ZNF407: variants seen among roughly 807,000 people sequenced by gnomAD.
ZNF407 encodes the protein zinc finger protein 407.
ZNF407 carries 17 observed loss-of-function variants against 131.2 expected under a neutral mutation model. The observed-to-expected ratio is 0.13, with a 90% CI of 0.09 to 0.19. The LOEUF (loss-of-function observed/expected upper bound fraction) is 0.19, where lower values mean the gene tolerates loss of function less well. ZNF407 is among the 10% of genes least tolerant of loss of function. The pLI, the probability that ZNF407 is intolerant of heterozygous loss-of-function variation, is 1.00. For synonymous variants in ZNF407, 1,156 were observed against 1,062.0 expected, an observed-to-expected ratio of 1.09 and a Z score of -1.72; for missense variants, 2,681 against 2,830.6, an observed-to-expected ratio of 0.95 and a Z score of 1.20.
chr18:74,970,060 G>A (rs1031534944), intron 8 of ZNF407, among the ~76,000 whole-genome samples: 1 of 152,128 alleles, frequency 6.6e-6, no homozygotes, highest in Non-Finnish European at 1.5e-5. Context: ...AAACAAGGAA[G>A]AAGCAAAAGT....
chr18:75,016,886 C>T (rs1973050855), intron 8 of ZNF407, among the ~76,000 whole-genome samples: 1 of 152,120 alleles, frequency 6.6e-6, no homozygotes, highest in African/African-American at 2.4e-5. Context: ...TTTGTAGCCA[C>T]TGTTATCACA....
intron 3 of ZNF407, among the ~76,000 whole-genome samples, chr18:74,776,472 A>G (rs1320052254): frequency 6.6e-6 from 1 of 152,252 alleles, no homozygotes; most frequent in East Asian, 1.9e-4. Context: ...AATACTATGC[A>G]GATCTCCTAT....
At chr18:74,712,165 T>A (rs764722588) in intron 3 of ZNF407, among the ~76,000 whole-genome samples, 7 of 152,190 alleles carry the variant, frequency 4.6e-5, no homozygotes, top group Non-Finnish European at 1.0e-4. Context: ...GGACCTTGTC[T>A]TTGACAAGGT....
At chr18:74,841,897 G>A (rs1376786667) in intron 4 of ZNF407, among the ~76,000 whole-genome samples, 3 of 152,134 alleles carry the variant, frequency 2.0e-5, no homozygotes, top group Non-Finnish European at 4.4e-5. Flanking sequence ...TATCTCCTAC[G>A]TTTGTACCTT....
Position 74,650,724 on chromosome 18 carries a change from G to A in ZNF407, c.4802+9602G>A, listed in dbSNP as rs150300624. ...AGTATTCATGGAAGGGGTGGGCCAC[G>A]GGAATATTGTTTGTTACCCCAAAGA... is the stretch of plus-strand genomic sequence containing the variant. On this transcript the variant is annotated intron_variant, in intron 3 of 8. Coordinates refer to ENST00000299687, the MANE Select transcript of ZNF407 (RefSeq NM_017757.3). 1.9e-3 allele frequency among the ~76,000 whole-genome samples: 286 copies of A among 152,176 alleles called. 1 individual carries two copies. The highest frequency in any genetic ancestry group is 6.5e-3 in the African/African-American group (269 of 41,490).
chr18:74,980,255 CT>C (rs5826360), intron 8 of ZNF407, among the ~76,000 whole-genome samples: 15,551 of 138,646 alleles, frequency 0.11, 1,436 homozygotes, highest in African/African-American at 0.26. Context: ...CTTCCCCATG[CT>C]TTTTTTTTTT....
chr18:74,944,823 G>A (rs953851352), intron 8 of ZNF407, among the ~76,000 whole-genome samples: 2 of 152,194 alleles, frequency 1.3e-5, no homozygotes, highest in Non-Finnish European at 1.5e-5. Flanking sequence ...TTCCAAAGAA[G>A]CAGTTTGAGT....
chr18:74,751,854 C>A (rs1381278508), intron 3 of ZNF407, among the ~76,000 whole-genome samples: 1 of 152,118 alleles, frequency 6.6e-6, no homozygotes, highest in African/African-American at 2.4e-5. Flanking sequence ...GTCTTTATAG[C>A]AAGCTGATTT....
intron 4 of ZNF407, among the ~76,000 whole-genome samples, chr18:74,817,092 C>G (rs1970277683): frequency 6.6e-6 from 1 of 152,148 alleles, no homozygotes; most frequent in Admixed American, 6.5e-5. Context: ...CTAAGAGTTT[C>G]CATCTTAGCT....
chr18:75,060,832 A>G (rs968488569), intron 8 of ZNF407, among the ~76,000 whole-genome samples: 23 of 152,100 alleles, frequency 1.5e-4, no homozygotes, highest in Admixed American at 1.5e-3. Flanking sequence ...AAAATTCCAT[A>G]CCCTTTCTAA....
chr18:74,699,712 A>G (rs539261319), intron 3 of ZNF407, among the ~76,000 whole-genome samples: 2 of 152,202 alleles, frequency 1.3e-5, no homozygotes, highest in African/African-American at 4.8e-5. Flanking sequence ...CATTTGTTTT[A>G]TAGGTTTATG....
intron 3 of ZNF407, among the ~76,000 whole-genome samples, chr18:74,718,915 T>C (rs1309537994): frequency 6.6e-6 from 1 of 152,222 alleles, no homozygotes; most frequent in East Asian, 1.9e-4. Flanking sequence ...AATATGCTTT[T>C]CTTAAAATCT....
intron 7 of ZNF407, among the ~76,000 whole-genome samples, chr18:74,891,114 C>T (rs9957366): frequency 0.034 from 5,156 of 152,166 alleles, 292 homozygotes; most frequent in African/African-American, 0.12. Flanking sequence ...TGTAGAGAGG[C>T]GTAGTGGAAG....
chr18:74,822,145 T>A (rs1316376902), intron 4 of ZNF407, among the ~76,000 whole-genome samples: 1 of 152,102 alleles, frequency 6.6e-6, no homozygotes. Flanking sequence ...ATTTAAGTTC[T>A]TTGTAGATTC....
chr18:74,710,214 G>T (rs947052865), intron 3 of ZNF407, among the ~76,000 whole-genome samples: 1 of 152,054 alleles, frequency 6.6e-6, no homozygotes, highest in African/African-American at 2.4e-5. Context: ...TAATTGATTT[G>T]ACTAATCCTG....
At chr18:74,671,650 T>G (rs1289361500) in intron 3 of ZNF407, among the ~76,000 whole-genome samples, 1 of 152,198 alleles carries the variant, frequency 6.6e-6, no homozygotes, top group Non-Finnish European at 1.5e-5. Context: ...TTGCTAAGGA[T>G]AATAGCCTCC....
At chr18:74,985,991 T>C (rs1972648086) in intron 8 of ZNF407, among the ~76,000 whole-genome samples, 1 of 152,218 alleles carries the variant, frequency 6.6e-6, no homozygotes, top group African/African-American at 2.4e-5. Context: ...GTTGACTGGC[T>C]CATAGAATAC....
chr18:74,968,375 G>A (rs1056133686), intron 8 of ZNF407, among the ~76,000 whole-genome samples: 14 of 152,050 alleles, frequency 9.2e-5, no homozygotes, highest in African/African-American at 2.7e-4. Flanking sequence ...GAGGACAGTG[G>A]GCCCCCATAC....
chr18:74,712,263 C>T (rs539489), intron 3 of ZNF407, among the ~76,000 whole-genome samples: 150,406 of 152,338 alleles, frequency 0.99, 74,277 homozygotes, highest in Middle Eastern at 1. Flanking sequence ...GTCTTAGTTA[C>T]TGGAAAATGG....
Sources: gnomAD v4.1 joint callset for allele counts (sites outside exome capture counted in the v4.1 genomes callset) on GRCh38, gnomAD v4.1.1 for gene constraint, MANE v1.5 for transcripts, NCBI Gene and HGNC (gene_info 2026-07-23, HGNC 2026-07-21) for gene names.